Variants in CSMD1 observed in about 807,000 individuals in gnomAD.
CSMD1 encodes the protein CUB and sushi domain-containing protein 1.
Under a neutral mutation model 417.5 loss-of-function variants are expected in CSMD1, and 213 were observed. That is an observed-to-expected ratio of 0.51 (90% CI 0.46 to 0.57). The LOEUF (loss-of-function observed/expected upper bound fraction) is 0.57, where lower values mean the gene tolerates loss of function less well. Ranked by LOEUF, CSMD1 falls within the 20% of genes least tolerant of loss-of-function variation. The probability of loss-of-function intolerance (pLI) is 0.00; values close to 1 mark genes in which losing one functional copy is unlikely to be tolerated. For missense variants in CSMD1, 6,923 were observed against 4,529.7 expected (o/e 1.53, Z -15.17); for synonymous variants, 2,862 against 1,736.8 (o/e 1.65, Z -16.11).
chr8:3,413,385 C>G (rs557487304), intron 12 of CSMD1, among the ~76,000 whole-genome samples: 2 of 152,286 alleles, frequency 1.3e-5, no homozygotes, highest in South Asian at 2.1e-4. Context: ...CTGTGGTTAG[C>G]TGATCCCACC....
At chr8:3,923,312 A>C (rs1194471941) in intron 5 of CSMD1, among the ~76,000 whole-genome samples, 2 of 152,084 alleles carry the variant, frequency 1.3e-5, no homozygotes, top group African/African-American at 2.4e-5. Flanking sequence ...TGGGGAGTTT[A>C]TGTATGTATA....
chr8:3,201,394 C>T (rs555608378), intron 32 of CSMD1, among the ~76,000 whole-genome samples: 67 of 152,164 alleles, frequency 4.4e-4, no homozygotes, highest in African/African-American at 1.4e-3. Flanking sequence ...ATATTTTCTG[C>T]AATCTTAGTA....
chr8:4,069,635 C>G (rs1045842557), intron 3 of CSMD1, among the ~76,000 whole-genome samples: 1 of 152,162 alleles, frequency 6.6e-6, no homozygotes, highest in African/African-American at 2.4e-5. Context: ...CCCCTCAAGC[C>G]TCTGCAGCTT....
At chr8:3,863,598 A>G (rs1356975358) in intron 5 of CSMD1, among the ~76,000 whole-genome samples, 2 of 152,234 alleles carry the variant, frequency 1.3e-5, no homozygotes, top group East Asian at 3.9e-4. Context: ...CTGACATCAA[A>G]CCTTGCAGTA....
At chr8:3,335,093 G>A (rs1385494070) in intron 23 of CSMD1, among the ~76,000 whole-genome samples, 1 of 152,160 alleles carries the variant, frequency 6.6e-6, no homozygotes, top group Non-Finnish European at 1.5e-5. Context: ...AAACCGAGAG[G>A]AGCCCAGGAC....
chr8:3,538,965 C>T (rs1249903473), intron 10 of CSMD1, among the ~76,000 whole-genome samples: 1 of 152,174 alleles, frequency 6.6e-6, no homozygotes, highest in Non-Finnish European at 1.5e-5. Flanking sequence ...CAAAGCATCT[C>T]CCTTCTAGAA....
intron 1 of CSMD1, among the ~76,000 whole-genome samples, chr8:4,735,021 TCA>T (rs2116975480): frequency 6.6e-6 from 1 of 152,324 alleles, no homozygotes; most frequent in South Asian, 2.1e-4. Context: ...TTGTTTGAAA[TCA>T]CATCAAAATT....
At chr8:4,208,463 A>G (rs927022733) in intron 3 of CSMD1, among the ~76,000 whole-genome samples, 1 of 152,230 alleles carries the variant, frequency 6.6e-6, no homozygotes, top group Non-Finnish European at 1.5e-5. Context: ...TAAAAAATTG[A>G]TAATTGATGT....
chr8:4,667,518 G>T (rs1049308754), intron 1 of CSMD1, among the ~76,000 whole-genome samples: 2 of 151,102 alleles, frequency 1.3e-5, no homozygotes, highest in Non-Finnish European at 2.9e-5. Context: ...CTTTTATGTA[G>T]GTCTTTTTAA....
intron 3 of CSMD1, among the ~76,000 whole-genome samples, chr8:4,109,784 TTGAC>T (rs1563135628): frequency 1.3e-5 from 2 of 152,180 alleles, no homozygotes; most frequent in East Asian, 1.9e-4. Flanking sequence ...TCTGTGGTCA[TTGAC>T]TGAGAGACTA....
rs1406183720 is a variant in CSMD1 at position 3,142,527 on chromosome 8, G to T, written c.6179C>A (p.Thr2060Asn). ...PAALLSTTHETLIHFYSDHSQ... is the reference protein window; with the variant it reads ...PAALLSTTHENLIHFYSDHSQ... ...ATGGTCACTATAAAAGTGGATGAGG[G>T]TTTCATGCGTTGTGCTCAGCAGGGC... Residue 2060 changes from threonine to asparagine, a missense_variant, in exon 41 of 70, where the codon ACC becomes AAC. Physicochemically the swap from Thr to Asn is moderately conservative, Grantham distance 65. Coordinates refer to ENST00000635120, the MANE Select transcript of CSMD1 (RefSeq NM_033225.6). The T allele has an allele frequency of 3.1e-6, 5 of 1,613,964 alleles. No homozygotes were observed. Among genetic ancestry groups the T allele is most frequent in the East Asian group, 2.2e-5 (1 of 44,884 alleles).
At chr8:4,411,966 A>C (rs1796671393) in intron 3 of CSMD1, among the ~76,000 whole-genome samples, 1 of 149,926 alleles carries the variant, frequency 6.7e-6, no homozygotes, top group Admixed American at 6.7e-5. Flanking sequence ...TTTTGATGAA[A>C]AGTACACAGC....
intron 10 of CSMD1, among the ~76,000 whole-genome samples, chr8:3,533,737 C>A (rs1459498098): frequency 6.6e-6 from 1 of 152,210 alleles, no homozygotes; most frequent in African/African-American, 2.4e-5. Context: ...CAGTACTAAG[C>A]TCCAAGGTGC....
intron 11 of CSMD1, among the ~76,000 whole-genome samples, chr8:3,493,189 G>C (rs1056938353): frequency 2.6e-5 from 4 of 151,740 alleles, no homozygotes; most frequent in Middle Eastern, 3.4e-3. Flanking sequence ...AGCTACTCAG[G>C]AGGGTGAGGC....
intron 25 of CSMD1, among the ~76,000 whole-genome samples, chr8:3,297,589 A>T (rs570356521): frequency 6.6e-6 from 1 of 152,192 alleles, no homozygotes; most frequent in Non-Finnish European, 1.5e-5. Context: ...CAAATTGTCA[A>T]TTGAACTTAA....
rs557371472 is a variant in CSMD1, at chr8:3,985,718, A to C, written c.818+12185T>G. Among the ~76,000 whole-genome samples the C allele has an allele frequency of 1.4e-4, 21 of 151,800 alleles. No individual in the cohort carries two copies. In the South Asian group the frequency reaches 4.4e-3, roughly 32 times the overall value. On this transcript the variant is annotated intron_variant, in intron 5 of 69. Transcript: ENST00000635120. ...AATCAAGTAACAACTTGATTCAAGA[A>C]GTTAGATTAAAAAGGCTGCCTTTAA...
At chr8:4,443,526 T>C (rs373165099) in intron 2 of CSMD1, among the ~76,000 whole-genome samples, 32 of 152,356 alleles carry the variant, frequency 2.1e-4, no homozygotes, top group African/African-American at 6.3e-4. Flanking sequence ...GAATACAGTA[T>C]AGAATTTCAC....
At chr8:3,542,461 T>C (rs909709179) in intron 10 of CSMD1, among the ~76,000 whole-genome samples, 3 of 152,232 alleles carry the variant, frequency 2.0e-5, no homozygotes, top group Non-Finnish European at 4.4e-5. Flanking sequence ...TGACAGTCTC[T>C]GACCTTGCTT....
chr8:4,657,133 T>C (rs1804280438), intron 1 of CSMD1, among the ~76,000 whole-genome samples: 1 of 152,104 alleles, frequency 6.6e-6, no homozygotes, highest in South Asian at 2.1e-4. Flanking sequence ...AAAACATCCC[T>C]GCATAGTGGG....
Sources: allele counts gnomAD v4.1 joint callset (sites outside exome capture counted in the v4.1 genomes callset), GRCh38; gene constraint gnomAD v4.1.1; transcripts MANE v1.5; gene names NCBI Gene and HGNC (gene_info 2026-07-23, HGNC 2026-07-21).